The following CD36 variants were observed in gnomAD, a reference collection of about 807,000 sequenced individuals.
The protein encoded by CD36 is platelet glycoprotein 4.
In CD36, 119 loss-of-function variants were observed where a neutral mutation model predicts 55.2. The observed-to-expected ratio is 2.15, with a 90% CI of 1.86 to 2.51. CD36 has a LOEUF of 2.51. Among genes scored for constraint, CD36 ranks in the 30% most tolerant of loss-of-function variants. CD36 has a pLI of 0.00. For synonymous variants in CD36, 186 were observed against 193.6 expected (o/e 0.96, Z 0.33); for missense variants, 819 against 555.5 (o/e 1.47, Z -4.77).
chr7:80,658,802 T>A (rs1280478616), intron 4 of CD36, among the ~76,000 whole-genome samples: 1 of 152,172 alleles, frequency 6.6e-6, no homozygotes, highest in African/African-American at 2.4e-5. Context: ...GACCATATTT[T>A]TCACTTTTAA....
rs1466886311 is a variant in CD36 at position 80,670,026 on chromosome 7, A to G, written c.818+4A>G. 2.5e-6 allele frequency: 4 copies of G among 1,579,394 alleles called. No individual in the cohort carries two copies. Among genetic ancestry groups the G allele is most frequent in the Non-Finnish European group, 3.5e-6 (4 of 1,149,356 alleles). ...TCTTTTCTTCTGATATTTGCAGGTA[A>G]GACAGATACTGAAGTATAAGTATGT... On this transcript the variant is annotated splice_donor_region_variant and intron_variant, in intron 9 of 14. Transcript: ENST00000447544.
intron 1 of CD36, among the ~76,000 whole-genome samples, chr7:80,620,382 T>C (rs188176015): frequency 1.3e-5 from 2 of 152,268 alleles, no homozygotes; most frequent in African/African-American, 4.8e-5. Context: ...CTCTTTGGGT[T>C]TGATTAATTT....
At chr7:80,673,756 T>C in intron 13 of CD36, 1 of 584,188 alleles carries the variant, frequency 1.7e-6, no homozygotes, top group Non-Finnish European at 3.0e-6. Flanking sequence ...GTTGACCCTT[T>C]GATAGTTCTG....
At chr7:80,605,727 C>T (rs1419958120) in intron 1 of CD36, among the ~76,000 whole-genome samples, 1 of 152,150 alleles carries the variant, frequency 6.6e-6, no homozygotes, top group Non-Finnish European at 1.5e-5. Context: ...TGAACTATTT[C>T]ATCTGAAATG....
chr7:80,645,643 A>G (rs1795113382), intron 1 of CD36, among the ~76,000 whole-genome samples: 1 of 152,046 alleles, frequency 6.6e-6, no homozygotes, highest in African/African-American at 2.4e-5. Flanking sequence ...AAAAATAATA[A>G]TAATCACATA....
intron 3 of CD36, among the ~76,000 whole-genome samples, chr7:80,651,913 C>G (rs938609919): frequency 2.0e-5 from 3 of 151,812 alleles, no homozygotes; most frequent in Non-Finnish European, 4.4e-5. Context: ...TGTCTCCCCC[C>G]GCAAAAAATT....
At chr7:80,605,288 C>A (rs999628370) in intron 1 of CD36, among the ~76,000 whole-genome samples, 1 of 152,102 alleles carries the variant, frequency 6.6e-6, no homozygotes, top group African/African-American at 2.4e-5. Flanking sequence ...CTATTAGAAG[C>A]AACATTGTGC....
At chr7:80,632,250 C>T (rs1794114159) in intron 1 of CD36, among the ~76,000 whole-genome samples, 1 of 149,470 alleles carries the variant, frequency 6.7e-6, no homozygotes, top group Non-Finnish European at 1.5e-5. Context: ...AGAATGATCA[C>T]TTCTCCATTT....
chr7:80,644,862 G>A (rs945870181), intron 1 of CD36, among the ~76,000 whole-genome samples: 3 of 152,014 alleles, frequency 2.0e-5, no homozygotes, highest in South Asian at 2.1e-4. Flanking sequence ...ACTATAAAGC[G>A]CATTCTGACT....
At chr7:80,618,623 G>C (rs762882394) in intron 1 of CD36, among the ~76,000 whole-genome samples, 10 of 152,178 alleles carry the variant, frequency 6.6e-5, no homozygotes, top group Non-Finnish European at 1.3e-4. Flanking sequence ...TGCTGATATA[G>C]AGAAAGTTTG....
At chr7:80,610,231 T>C (rs1234799316) in intron 1 of CD36, among the ~76,000 whole-genome samples, 3 of 152,226 alleles carry the variant, frequency 2.0e-5, no homozygotes, top group Non-Finnish European at 2.9e-5. Context: ...TATATTGTCA[T>C]TGTAATTATC....
rs1364352293 is a variant in CD36, at chr7:80,672,734, TA to T, written c.1126-32del. 6 of 1,412,486 alleles carry T rather than the reference TA, an allele frequency of 4.2e-6. No individual in the cohort carries two copies. The East Asian group carries it at 7.1e-5, about 17-fold the overall frequency. The allele number at this position is 1,412,486 out of a possible 1,614,324, so 87.5% of individuals were successfully genotyped here. A position where few individuals can be genotyped will look rare whatever the true frequency, so the allele number is the denominator to read the frequency against. On this transcript the variant is annotated intron_variant, in intron 11 of 14. Transcript: ENST00000447544. ...TTTGAATAGTATAAAATAATGTTTTTAAAAGTTGGTAATTATTTAGTTGTTC... is the reference window on the plus strand; with the variant it reads ...TTTGAATAGTATAAAATAATGTTTTTAAAGTTGGTAATTATTTAGTTGTTC...
intron 13 of CD36, chr7:80,673,741 A>G: frequency 1.7e-6 from 1 of 574,922 alleles, no homozygotes; most frequent in African/African-American, 1.9e-5. Context: ...GGAGCAAATG[A>G]AACTGTTGAC....
At chr7:80,638,466 G>A (rs1452739526), upstream of CD36, 1 of 149,432 alleles carries the variant, frequency 6.7e-6, no homozygotes, top group East Asian at 2.0e-4. Flanking sequence ...CATAAAAATA[G>A]ACCCTTATTA....
chr7:80,649,286 C>G (rs908432849), intron 3 of CD36, among the ~76,000 whole-genome samples: 2 of 151,864 alleles, frequency 1.3e-5, no homozygotes, highest in African/African-American at 4.8e-5. Context: ...GTAGGAAGAG[C>G]CTAGATGAAA....
chr7:80,677,947 T>C lies in CD36; in HGVS notation c.*1564T>C, dbSNP rs1457314909. 6.6e-6 allele frequency: 1 copy of C among 152,178 alleles called. No homozygotes were observed. Among genetic ancestry groups the C allele is most frequent in the Non-Finnish European group, 1.5e-5 (1 of 68,018 alleles). The allele number at this position is 152,178 out of a possible 1,614,324, so 9.4% of individuals were successfully genotyped here. ...ATAATCTTTATCATTCCTCAGTGTT[T>C]CATTTCTCAAATTCTGTAAAAGGAA... is the stretch of plus-strand genomic sequence containing the variant. On this transcript the variant is annotated 3_prime_UTR_variant, in exon 15 of 15. Coordinates refer to ENST00000447544, the MANE Select transcript of CD36 (RefSeq NM_001001548.3).
chr7:80,634,162 T>C (rs377394586), upstream of CD36, among the ~76,000 whole-genome samples: 1 of 152,050 alleles, frequency 6.6e-6, no homozygotes, highest in East Asian at 1.9e-4. Flanking sequence ...GCTAGTCATC[T>C]AAAGAGCCTA....
intron 8 of CD36, among the ~76,000 whole-genome samples, chr7:80,669,539 T>C (rs1797442466): frequency 6.6e-6 from 1 of 152,108 alleles, no homozygotes; most frequent in Admixed American, 6.6e-5. Context: ...GCAATTATCC[T>C]GCCTCAGGAT....
chr7:80,623,649 C>T (rs928146933), intron 1 of CD36, among the ~76,000 whole-genome samples: 3 of 152,108 alleles, frequency 2.0e-5, no homozygotes, highest in Admixed American at 1.3e-4. Context: ...TCTTGCTGGG[C>T]CCTGCCCAAG....
Sources: gnomAD v4.1 joint callset for allele counts (sites outside exome capture counted in the v4.1 genomes callset) on GRCh38, gnomAD v4.1.1 for gene constraint, MANE v1.5 for transcripts, NCBI Gene and HGNC (gene_info 2026-07-23, HGNC 2026-07-21) for gene names.